PCDH15: variants seen among roughly 807,000 people sequenced by gnomAD.
The protein encoded by PCDH15 is protocadherin-15.
Under a neutral mutation model 178.5 loss-of-function variants are expected in PCDH15, and 129 were observed. That is an observed-to-expected ratio of 0.72 (90% confidence interval 0.63 to 0.84). The LOEUF (loss-of-function observed/expected upper bound fraction) is 0.84, where lower values mean the gene tolerates loss of function less well. Among genes scored for constraint, PCDH15 ranks in the 40% least tolerant of loss-of-function variants. PCDH15 has a pLI of 0.00. For missense variants in PCDH15, 2,230 were observed against 2,099.9 expected, an observed-to-expected ratio of 1.06 and a Z score of -1.21; for synonymous variants, 800 against 732.0, an observed-to-expected ratio of 1.09 and a Z score of -1.50.
At chr10:54,143,279 T>C (rs2043573635) in intron 14 of PCDH15, among the ~76,000 whole-genome samples, 1 of 152,286 alleles carries the variant, frequency 6.6e-6, no homozygotes, top group East Asian at 1.9e-4. Flanking sequence ...AAGTTGTCAG[T>C]AATAATTATG....
At chr10:54,155,954 G>A (rs1416544246) in intron 13 of PCDH15, among the ~76,000 whole-genome samples, 1 of 152,116 alleles carries the variant, frequency 6.6e-6, no homozygotes, top group Non-Finnish European at 1.5e-5. Flanking sequence ...TCTGTGACCA[G>A]TAGATAGTGT....
At chr10:55,274,583 G>A (rs187255751) in intron 1 of PCDH15, among the ~76,000 whole-genome samples, 1 of 152,106 alleles carries the variant, frequency 6.6e-6, no homozygotes, top group East Asian at 1.9e-4. Context: ...CTTCTGTCCA[G>A]GAACCTTAGT....
chr10:53,809,547 C>T lies in PCDH15; in HGVS notation c.4671+1009G>A, dbSNP rs1554815909. On this transcript the variant is annotated intron_variant, in intron 37 of 37. Transcript: ENST00000644397. Reference sequence around the variant, plus strand: ...GTTTTTTAATTTTCTTTGGCTCTTCCTGAAAATTGTGAAAATGCAATTGAA... The same window carrying T: ...GTTTTTTAATTTTCTTTGGCTCTTCTTGAAAATTGTGAAAATGCAATTGAA... The T allele has an allele frequency of 6.2e-7, 1 of 1,605,714 alleles. No individual in the cohort carries two copies. The highest frequency in any genetic ancestry group is 8.5e-7 in the Non-Finnish European group (1 of 1,177,244).
At chr10:55,312,964 A>AT (rs1193618832) in intron 1 of PCDH15, among the ~76,000 whole-genome samples, 3 of 152,198 alleles carry the variant, frequency 2.0e-5, no homozygotes, top group Non-Finnish European at 2.9e-5. Context: ...CTGATGCTGT[A>AT]TTTAGCACAG....
At chr10:53,933,217 A>G (rs189823355) in intron 25 of PCDH15, among the ~76,000 whole-genome samples, 1 of 151,966 alleles carries the variant, frequency 6.6e-6, no homozygotes, top group Admixed American at 6.6e-5. Context: ...GTATATGTGC[A>G]CAACGTGTAG....
chr10:55,311,473 G>T, intron 1 of PCDH15, among the ~76,000 whole-genome samples: 1 of 152,246 alleles, frequency 6.6e-6, no homozygotes, highest in Admixed American at 6.5e-5. Context: ...GTATCACAGT[G>T]CCTGGCATAT....
chr10:53,988,365 T>C (rs1407490867), intron 21 of PCDH15, among the ~76,000 whole-genome samples: 2 of 151,832 alleles, frequency 1.3e-5, no homozygotes, highest in African/African-American at 4.8e-5. Context: ...TGGGGGAGGG[T>C]GTGGGTGCCA....
At chr10:55,158,883 GA>G (rs1838974527) in intron 2 of PCDH15, among the ~76,000 whole-genome samples, 1 of 50,538 alleles carries the variant, frequency 2.0e-5, no homozygotes, top group Non-Finnish European at 9.1e-5. Context: ...GAGGGAGGGA[GA>G]AGAGAGAGAG....
chr10:54,563,889 GA>G (rs963464941), intron 2 of PCDH15, among the ~76,000 whole-genome samples: 3 of 152,110 alleles, frequency 2.0e-5, no homozygotes, highest in Admixed American at 2.0e-4. Context: ...CAGTGTTGAA[GA>G]AAAAAACAAA....
intron 2 of PCDH15, among the ~76,000 whole-genome samples, chr10:54,541,566 C>T (rs61853605): frequency 0.089 from 13,464 of 152,018 alleles, 658 homozygotes; most frequent in Non-Finnish European, 0.11. Flanking sequence ...TCTGTTATTC[C>T]AAAATCTTTC....
intron 14 of PCDH15, among the ~76,000 whole-genome samples, chr10:54,145,743 T>G (rs925959239): frequency 6.6e-6 from 1 of 152,068 alleles, no homozygotes; most frequent in Admixed American, 6.6e-5. Context: ...AAAGCAGTAG[T>G]AAGAGTTAAG....
At chr10:54,478,853 C>T (rs1012600948) in intron 3 of PCDH15, among the ~76,000 whole-genome samples, 5 of 151,842 alleles carry the variant, frequency 3.3e-5, no homozygotes, top group African/African-American at 1.2e-4. Flanking sequence ...TAAATGGTAA[C>T]ATATTGTGTT....
At chr10:54,835,391 T>C (rs1316956159) in intron 3 of PCDH15, among the ~76,000 whole-genome samples, 1 of 152,050 alleles carries the variant, frequency 6.6e-6, no homozygotes, top group East Asian at 1.9e-4. Context: ...AAAAATTATT[T>C]CTCTCTCTCC....
At chr10:54,697,594 T>C (rs2095247647) in intron 1 of PCDH15, among the ~76,000 whole-genome samples, 1 of 132,472 alleles carries the variant, frequency 7.5e-6, no homozygotes, top group Admixed American at 8.1e-5. Flanking sequence ...TATTTTTGCT[T>C]ATTCCATTTA....
At chr10:55,353,715 C>A (rs756830546) in intron 2 of PCDH15, among the ~76,000 whole-genome samples, 6 of 152,018 alleles carry the variant, frequency 3.9e-5, no homozygotes, top group Admixed American at 6.6e-5. Flanking sequence ...CATCACACAT[C>A]ACATACCTTG....
At chr10:54,210,266 C>T (rs2051277447) in intron 10 of PCDH15, among the ~76,000 whole-genome samples, 1 of 151,906 alleles carries the variant, frequency 6.6e-6, no homozygotes, top group Non-Finnish European at 1.5e-5. Flanking sequence ...CACACATTCA[C>T]ATGTAAGTAT....
intron 2 of PCDH15, among the ~76,000 whole-genome samples, chr10:55,086,241 G>T (rs1842164481): frequency 6.6e-6 from 1 of 151,852 alleles, no homozygotes; most frequent in Non-Finnish European, 1.5e-5. Context: ...CTCATAGTTT[G>T]AAGTGCCATT....
intron 2 of PCDH15, among the ~76,000 whole-genome samples, chr10:55,431,919 C>G (rs1188782809): frequency 2.0e-5 from 3 of 152,080 alleles, no homozygotes; most frequent in South Asian, 4.2e-4. Flanking sequence ...GGTTGTTATT[C>G]TTATATATAT....
At chr10:53,967,791 T>G (rs922533138) in intron 21 of PCDH15, among the ~76,000 whole-genome samples, 4 of 152,198 alleles carry the variant, frequency 2.6e-5, no homozygotes, top group Non-Finnish European at 4.4e-5. Flanking sequence ...GTATGTATAT[T>G]CTACCGTATC....
Sources: gnomAD v4.1 joint callset for allele counts (sites outside exome capture counted in the v4.1 genomes callset) on GRCh38, gnomAD v4.1.1 for gene constraint, MANE v1.5 for transcripts, NCBI Gene and HGNC (gene_info 2026-07-23, HGNC 2026-07-21) for gene names.